Variants in TMEM132B observed in about 807,000 individuals in gnomAD.
TMEM132B encodes transmembrane protein 132B.
In TMEM132B, 18 loss-of-function variants were observed where a neutral mutation model predicts 90.8. That is an observed-to-expected ratio of 0.20 (90% CI 0.14 to 0.29). The LOEUF (loss-of-function observed/expected upper bound fraction) is 0.29. Among genes scored for constraint, TMEM132B ranks in the 10% least tolerant of loss-of-function variants. The pLI is 1.00. For missense variants in TMEM132B, 1,096 were observed against 1,326.8 expected, an observed-to-expected ratio of 0.83 and a Z score of 2.70; for synonymous variants, 504 against 523.3, an observed-to-expected ratio of 0.96 and a Z score of 0.50.
intron 3 of TMEM132B, among the ~76,000 whole-genome samples, chr12:125,509,838 T>TGTCTGGA (rs57625817): frequency 2.0e-5 from 3 of 148,800 alleles, no homozygotes; most frequent in Non-Finnish European, 3.0e-5. Flanking sequence ...GCATCCTCCG[T>TGTCTGGA]GTCTGGAGTC....
chr12:125,311,110 G>A (rs1876112889), intron 1 of TMEM132B, among the ~76,000 whole-genome samples: 2 of 152,176 alleles, frequency 1.3e-5, no homozygotes, highest in South Asian at 4.1e-4. Flanking sequence ...CATGACAAAA[G>A]GTGGGTGTGT....
chr12:125,353,233 C>T (rs532270716), intron 2 of TMEM132B, among the ~76,000 whole-genome samples: 1 of 151,954 alleles, frequency 6.6e-6, no homozygotes, highest in African/African-American at 2.4e-5. Context: ...TCAGCACTCC[C>T]TCTGCCATGG....
intron 8 of TMEM132B, among the ~76,000 whole-genome samples, chr12:125,652,922 C>T (rs543292991): frequency 3.3e-5 from 5 of 152,196 alleles, no homozygotes; most frequent in South Asian, 2.1e-4. Flanking sequence ...CAAAGGATCA[C>T]GTGTTTTCAC....
chr12:125,323,968 G>A (rs1343834036), intron 1 of TMEM132B, among the ~76,000 whole-genome samples: 2 of 152,078 alleles, frequency 1.3e-5, no homozygotes, highest in African/African-American at 4.8e-5. Context: ...AAGCCAGAGA[G>A]CTCCGACCAA....
chr12:125,370,806 G>T (rs986585519), intron 2 of TMEM132B, among the ~76,000 whole-genome samples: 1 of 152,252 alleles, frequency 6.6e-6, no homozygotes, highest in African/African-American at 2.4e-5. Context: ...AACAGGAAAG[G>T]CAATGTCTTT....
intron 1 of TMEM132B, among the ~76,000 whole-genome samples, chr12:125,254,457 G>A (rs1056815040): frequency 2.0e-5 from 3 of 152,064 alleles, no homozygotes; most frequent in Non-Finnish European, 4.4e-5. Flanking sequence ...AGCAGCAGAT[G>A]TTTCCTTGAG....
intron 1 of TMEM132B, among the ~76,000 whole-genome samples, chr12:125,303,808 T>G (rs1275458278): frequency 6.6e-6 from 1 of 152,196 alleles, no homozygotes; most frequent in Non-Finnish European, 1.5e-5. Context: ...ATTCAAGTCT[T>G]TTGCTCATTT....
intron 4 of TMEM132B, among the ~76,000 whole-genome samples, chr12:125,534,684 C>T (rs139751405): frequency 1.3e-4 from 9 of 68,078 alleles, no homozygotes; most frequent in Admixed American, 1.2e-3. Context: ...ACCATCACTA[C>T]TACCATTACA....
intron 3 of TMEM132B, among the ~76,000 whole-genome samples, chr12:125,419,932 A>G (rs777875688): frequency 2.0e-5 from 3 of 152,190 alleles, no homozygotes; most frequent in Non-Finnish European, 4.4e-5. Context: ...GGGGCACTCA[A>G]AGCTCTAAAA....
intron 4 of TMEM132B, among the ~76,000 whole-genome samples, chr12:125,558,406 A>T (rs1471665633): frequency 6.6e-6 from 1 of 152,192 alleles, no homozygotes; most frequent in Admixed American, 6.5e-5. Flanking sequence ...CAATTCAATG[A>T]TTTGGGGAGA....
chr12:125,228,836 T>C (rs1239773104), intron 1 of TMEM132B, among the ~76,000 whole-genome samples: 2 of 152,176 alleles, frequency 1.3e-5, no homozygotes, highest in Non-Finnish European at 2.9e-5. Context: ...CAGTGATTGG[T>C]TTAGAAGTGG....
intron 1 of TMEM132B, among the ~76,000 whole-genome samples, chr12:125,195,377 G>C (rs1285764762): frequency 6.6e-6 from 1 of 151,194 alleles, no homozygotes; most frequent in Non-Finnish European, 1.5e-5. Context: ...TGGAGCGCTG[G>C]GGAGGAGGGT....
intron 3 of TMEM132B, among the ~76,000 whole-genome samples, chr12:125,512,408 T>G (rs1210591419): frequency 6.6e-6 from 1 of 152,196 alleles, no homozygotes; most frequent in Non-Finnish European, 1.5e-5. Flanking sequence ...TTAAGCAAAG[T>G]ATGGCTCTGG....
intron 3 of TMEM132B, among the ~76,000 whole-genome samples, chr12:125,422,148 A>G (rs1175757589): frequency 6.6e-6 from 1 of 152,240 alleles, no homozygotes; most frequent in Non-Finnish European, 1.5e-5. Context: ...GCACTATGTT[A>G]TGTCTTCTAG....
At chr12:125,191,598 C>T (rs1872795357) in intron 1 of TMEM132B, among the ~76,000 whole-genome samples, 1 of 152,208 alleles carries the variant, frequency 6.6e-6, no homozygotes, top group Non-Finnish European at 1.5e-5. Context: ...ATGTGCTAGC[C>T]TTTGCCGAGT....
At chr12:125,468,815 C>T (rs1881639509) in intron 3 of TMEM132B, among the ~76,000 whole-genome samples, 1 of 152,124 alleles carries the variant, frequency 6.6e-6, no homozygotes, top group East Asian at 1.9e-4. Context: ...CTCTAACCGT[C>T]TTGGTTAAGT....
intron 4 of TMEM132B, among the ~76,000 whole-genome samples, chr12:125,549,559 C>A (rs1277109805): frequency 2.6e-5 from 4 of 152,232 alleles, no homozygotes; most frequent in Non-Finnish European, 5.9e-5. Flanking sequence ...CAGGCTTACT[C>A]ATCACCGCTC....
intron 3 of TMEM132B, among the ~76,000 whole-genome samples, chr12:125,517,335 T>G (rs1225502775): frequency 0.037 from 992 of 27,096 alleles, 171 homozygotes; most frequent in Admixed American, 0.13. Flanking sequence ...TGATTTTTTT[T>G]TTTTTTTTTT....
intron 5 of TMEM132B, among the ~76,000 whole-genome samples, chr12:125,594,171 C>T (rs1156862607): frequency 2.6e-5 from 4 of 152,144 alleles, no homozygotes; most frequent in Admixed American, 2.6e-4. Flanking sequence ...CCCTGTCTTT[C>T]CTTATTTGCT....
Sources: gnomAD v4.1 joint callset for allele counts (sites outside exome capture counted in the v4.1 genomes callset) on GRCh38, gnomAD v4.1.1 for gene constraint, MANE v1.5 for transcripts, NCBI Gene and HGNC (gene_info 2026-07-23, HGNC 2026-07-21) for gene names.